Variants in PRDX1 observed in about 807,000 individuals in gnomAD.
PRDX1 encodes peroxiredoxin-1.
A neutral mutation model predicts 20.7 loss-of-function variants in PRDX1; 19 were observed. The observed-to-expected ratio is 0.92, with a 90% CI of 0.64 to 1.35. The LOEUF is 1.35. PRDX1 is among the 40% of genes most tolerant of loss of function. The pLI is 0.00. For missense variants in PRDX1, 226 were observed against 240.0 expected, an observed-to-expected ratio of 0.94 and a Z score of 0.38; for synonymous variants, 89 against 83.9, an observed-to-expected ratio of 1.06 and a Z score of -0.33.
chr1:45,516,180 A>G (rs1643859993), intron 2 of PRDX1, among the ~76,000 whole-genome samples: 1 of 152,274 alleles, frequency 6.6e-6, no homozygotes, highest in Admixed American at 6.5e-5. Flanking sequence ...AACAATACCC[A>G]GAGAAAGCTG....
chr1:45,519,156 G>T, intron 1 of PRDX1, 102 bp from the exon 2 acceptor site: 1 of 761,420 alleles, frequency 1.3e-6, no homozygotes, highest in South Asian at 2.0e-5. Flanking sequence ...TCAAGGCATT[G>T]TCCAGTGTCC....
chr1:45,519,156 G>C, intron 1 of PRDX1, 102 bp from the exon 2 acceptor site: 1 of 761,426 alleles, frequency 1.3e-6, no homozygotes, highest in Non-Finnish European at 2.1e-6. Context: ...TCAAGGCATT[G>C]TCCAGTGTCC....
chr1:45,518,623 C>G (rs1643881432), intron 2 of PRDX1, among the ~76,000 whole-genome samples: 1 of 152,096 alleles, frequency 6.6e-6, no homozygotes, highest in Non-Finnish European at 1.5e-5. Context: ...GCACTCCAGC[C>G]TGGGTGACAG....
chr1:45,514,263 T>C (rs1447459118), intron 5 of PRDX1, among the ~76,000 whole-genome samples: 3 of 151,982 alleles, frequency 2.0e-5, no homozygotes, highest in Non-Finnish European at 4.4e-5. Context: ...CCCTGCCACA[T>C]CCCCCTCTCC....
intron 2 of PRDX1, among the ~76,000 whole-genome samples, chr1:45,517,172 A>G (rs6667191): frequency 0.74 from 112,107 of 151,960 alleles, 41,801 homozygotes; most frequent in East Asian, 0.94. Context: ...AGGGCAGAGA[A>G]CAGCTCCTCC....
Position 45,515,010 on chromosome 1 carries a change from A to C in PRDX1, c.261-15T>G. On this transcript the variant is annotated splice_polypyrimidine_tract_variant and intron_variant, in intron 3 of 5. Coordinates refer to ENST00000319248, the MANE Select transcript of PRDX1 (RefSeq NM_181697.3). ...GTGTATTGACCCTATGGCAAAAGGC[A>C]AACATACAGTTACATTCAAACTCTT... is the stretch of plus-strand genomic sequence containing the variant. The C allele has an allele frequency of 6.2e-7, 1 of 1,613,736 alleles. No homozygotes were observed. The highest frequency in any genetic ancestry group is 8.5e-7 in the Non-Finnish European group (1 of 1,179,868).
chr1:45,515,382 G>C (rs916502815), intron 3 of PRDX1, among the ~76,000 whole-genome samples: 1 of 151,950 alleles, frequency 6.6e-6, no homozygotes, highest in South Asian at 2.1e-4. Flanking sequence ...GGCAGATCAC[G>C]AGGTCAGGAG....
chr1:45,515,048 C>T (rs878865172), intron 3 of PRDX1, 53 bp from the exon 4 acceptor site: 6 of 1,591,444 alleles, frequency 3.8e-6, no homozygotes, highest in East Asian at 2.2e-5. Flanking sequence ...CTTGACTGTA[C>T]GCATTCCTCT....
chr1:45,511,233 TG>T lies in PRDX1; in HGVS notation c.*95del. The T allele has an allele frequency of 9.4e-7, 1 of 1,058,812 alleles. No homozygotes were observed. Among genetic ancestry groups the T allele is most frequent in the Non-Finnish European group, 1.4e-6 (1 of 725,126 alleles). 65.6% of individuals were successfully genotyped at this position (1,058,812 alleles called of 1,614,324 possible). Reference sequence around the variant, plus strand: ...TAAGACACCACAATTCGGCTGAATCTGAAGTCTTGTGTTTTACTAATGGAAA... The same window carrying T: ...TAAGACACCACAATTCGGCTGAATCTAAGTCTTGTGTTTTACTAATGGAAA... On this transcript the variant is annotated 3_prime_UTR_variant, in exon 6 of 6. Coordinates refer to ENST00000319248, the MANE Select transcript of PRDX1 (RefSeq NM_181697.3).
At chr1:45,519,256 G>A (rs1166233072) in intron 1 of PRDX1, among the ~76,000 whole-genome samples, 1 of 152,240 alleles carries the variant, frequency 6.6e-6, no homozygotes, top group East Asian at 1.9e-4. Flanking sequence ...AACGAAACAA[G>A]TCTCTGAATC....
At chr1:45,511,991 C>A (rs1643757037) in intron 5 of PRDX1, 1 of 151,510 alleles carries the variant, frequency 6.6e-6, no homozygotes, top group Admixed American at 6.6e-5. Flanking sequence ...AGCCTTCAAC[C>A]TTTTCCTGAC....
chr1:45,515,704 G>A lies in PRDX1; in HGVS notation c.210C>T (p.Asn70=). Reference sequence around the variant, plus strand: ...CCACAGAAGCACCAATCACTTGGCAGTTGAGTTTCTTAAATTCTTCTGCCC... The same window carrying A: ...CCACAGAAGCACCAATCACTTGGCAATTGAGTTTCTTAAATTCTTCTGCCC... The part of the protein sequence containing the change: ...SDRAEEFKKL[N]CQVIGASVDS... Residue 70 remains asparagine, a synonymous_variant, in exon 3 of 6, where the codon AAC becomes AAT. Transcript: ENST00000319248. 1 of 1,606,870 alleles carries A rather than the reference G, an allele frequency of 6.2e-7. No individual in the cohort carries two copies. The highest frequency in any genetic ancestry group is 8.5e-7 in the Non-Finnish European group (1 of 1,177,722).
chr1:45,517,713 C>G (rs1305790401), intron 2 of PRDX1, among the ~76,000 whole-genome samples: 1 of 143,782 alleles, frequency 7.0e-6, no homozygotes, highest in Non-Finnish European at 1.5e-5. Flanking sequence ...ACCCAGAAGG[C>G]GGAGCTTGCA....
At chr1:45,517,768 C>T (rs543214664) in intron 2 of PRDX1, among the ~76,000 whole-genome samples, 6 of 114,414 alleles carry the variant, frequency 5.2e-5, no homozygotes, top group Non-Finnish European at 9.9e-5. Context: ...GGCGACAAAG[C>T]GAGACTCCGT....
chr1:45,521,880 G>A lies in PRDX1; in HGVS notation c.-63C>T, dbSNP rs537896245. On this transcript the variant is annotated 5_prime_UTR_variant, in exon 1 of 6. Coordinates refer to ENST00000319248, the MANE Select transcript of PRDX1 (RefSeq NM_181697.3). ...AACCACCGACACCAGGCAAGAACAA[G>A]ACGCGCAAGAGCTCTCCGGGGCGCT... The A allele has an allele frequency of 1.3e-5, 2 of 152,870 alleles. No homozygotes were observed. Among genetic ancestry groups the A allele is most frequent in the Non-Finnish European group, 2.9e-5 (2 of 68,442 alleles). The allele number at this position is 152,870 out of a possible 1,614,324, so 9.5% of individuals were successfully genotyped here.
intron 1 of PRDX1, among the ~76,000 whole-genome samples, chr1:45,520,243 T>C (rs893192787): frequency 1.2e-3 from 176 of 149,958 alleles, no homozygotes; most frequent in African/African-American, 4.1e-3. Context: ...GACCAAGATA[T>C]TGATTGGCAT....
At chr1:45,513,189 T>G (rs75393769) in intron 5 of PRDX1, 1 of 152,140 alleles carries the variant, frequency 6.6e-6, no homozygotes, top group African/African-American at 2.4e-5. Flanking sequence ...ATTAACCTCT[T>G]CTCTCAATAA....
At position 45,511,145 on chromosome 1, in the gene PRDX1, G is replaced by T. The variant is rs1643735097; in HGVS notation, c.*184C>A. On this transcript the variant is annotated 3_prime_UTR_variant, in exon 6 of 6. Transcript: ENST00000319248. ...GTAGCCTGCCCACAACGCCAACTCA[G>T]GCCATTCCTACCAAAGGAAGAAAGG... is the stretch of plus-strand genomic sequence containing the variant. 2 of 560,506 alleles carry T rather than the reference G, an allele frequency of 3.6e-6. No homozygotes were observed. Among genetic ancestry groups the T allele is most frequent in the Non-Finnish European group, 6.3e-6 (2 of 317,708 alleles). The allele number at this position is 560,506 out of a possible 1,614,324, so 34.7% of individuals were successfully genotyped here.
intron 1 of PRDX1, among the ~76,000 whole-genome samples, chr1:45,521,085 G>A (rs1570857067): frequency 6.6e-6 from 1 of 152,226 alleles, no homozygotes. Context: ...AAAAACTAAG[G>A]CATGCTGCAA....
Sources: allele counts gnomAD v4.1 joint callset (sites outside exome capture counted in the v4.1 genomes callset), GRCh38; gene constraint gnomAD v4.1.1; transcripts MANE v1.5; gene names NCBI Gene and HGNC (gene_info 2026-07-23, HGNC 2026-07-21).